AFAP1: variants seen among roughly 807,000 people sequenced by gnomAD.
AFAP1 encodes the protein actin filament associated protein 1.
In AFAP1, 75 loss-of-function variants were observed where a neutral mutation model predicts 93.9. That is an observed-to-expected ratio of 0.80 (90% CI 0.66 to 0.97). AFAP1 has a LOEUF of 0.97. AFAP1 is among the 50% of genes least tolerant of loss of function. The pLI, the probability that AFAP1 is intolerant of heterozygous loss-of-function variation, is 0.00. For synonymous variants in AFAP1, 517 were observed against 430.7 expected, an observed-to-expected ratio of 1.20 and a Z score of -2.48; for missense variants, 1,201 against 1,050.8, an observed-to-expected ratio of 1.14 and a Z score of -1.98.
intron 9 of AFAP1, among the ~76,000 whole-genome samples, chr4:7,802,999 C>T (rs1209162055): frequency 1.3e-5 from 2 of 152,204 alleles, no homozygotes; most frequent in African/African-American, 2.4e-5. Context: ...CATATCTGAG[C>T]ACCCGAGTAA....
intron 1 of AFAP1, chr4:7,872,347 G>A: frequency 5.2e-6 from 2 of 384,240 alleles, no homozygotes; most frequent in South Asian, 5.1e-5. Flanking sequence ...CAGATGGTGT[G>A]ACAACCCAAA....
At chr4:7,765,076 C>T (rs945210571) in intron 17 of AFAP1, among the ~76,000 whole-genome samples, 2 of 152,072 alleles carry the variant, frequency 1.3e-5, no homozygotes, top group African/African-American at 4.8e-5. Flanking sequence ...TGCACTCGAG[C>T]GTGGTCAACA....
At chr4:7,814,351 A>G (rs1720290753) in intron 8 of AFAP1, among the ~76,000 whole-genome samples, 1 of 152,254 alleles carries the variant, frequency 6.6e-6, no homozygotes, top group Non-Finnish European at 1.5e-5. Flanking sequence ...CTCAAATAGA[A>G]AGAACAAAAC....
chr4:7,847,180 A>C (rs1029198412), intron 4 of AFAP1, among the ~76,000 whole-genome samples: 1 of 152,334 alleles, frequency 6.6e-6, no homozygotes, highest in South Asian at 2.1e-4. Context: ...AACTCTCTGG[A>C]AAGTATGCTT....
At chr4:7,827,590 A>AAAAAAAAAAAAAAAAG (rs1721544109) in intron 6 of AFAP1, among the ~76,000 whole-genome samples, 3 of 142,476 alleles carry the variant, frequency 2.1e-5, no homozygotes, top group Non-Finnish European at 4.6e-5. Context: ...AAAAAAAAAA[A>AAAAAAAAAAAAAAAAG]GGGAGAGGAG....
chr4:7,936,743 G>A (rs536356453), intron 1 of AFAP1, among the ~76,000 whole-genome samples: 5 of 152,054 alleles, frequency 3.3e-5, no homozygotes, highest in African/African-American at 1.2e-4. Context: ...CACCACACCC[G>A]GCTAACTTTT....
intron 6 of AFAP1, among the ~76,000 whole-genome samples, chr4:7,820,137 G>A (rs1720837138): frequency 6.6e-6 from 1 of 152,188 alleles, no homozygotes; most frequent in Admixed American, 6.5e-5. Context: ...AAGACAGAAG[G>A]ACAGACAGGG....
At position 7,760,956 on chromosome 4, in the gene AFAP1, C is replaced by A. The variant is rs1047988341; in HGVS notation, c.*2809G>T. On this transcript the variant is annotated 3_prime_UTR_variant, in exon 18 of 18. Transcript: ENST00000420658. Reference sequence around the variant, plus strand: ...GACATTGCGAAGAAATCCGGCTTCTCCGGGGACCCTGGCCTGCCTGTCGGG... The same window carrying A: ...GACATTGCGAAGAAATCCGGCTTCTACGGGGACCCTGGCCTGCCTGTCGGG... 2.6e-5 allele frequency: 4 copies of A among 152,368 alleles called. No individual in the cohort carries two copies. The highest frequency in any genetic ancestry group is 9.6e-5 in the African/African-American group (4 of 41,578). The allele number at this position is 152,368 out of a possible 1,614,324, so 9.4% of individuals were successfully genotyped here. A position where few individuals can be genotyped will look rare whatever the true frequency, so the allele number is the denominator to read the frequency against.
At chr4:7,822,407 AT>A (rs1721042260) in intron 6 of AFAP1, among the ~76,000 whole-genome samples, 1 of 152,136 alleles carries the variant, frequency 6.6e-6, no homozygotes, top group East Asian at 1.9e-4. Flanking sequence ...TCTCCCCACG[AT>A]TATATTTAAT....
intron 1 of AFAP1, among the ~76,000 whole-genome samples, chr4:7,906,024 G>C (rs1719381659): frequency 6.6e-6 from 1 of 152,212 alleles, no homozygotes; most frequent in Non-Finnish European, 1.5e-5. Context: ...GGAGGAGGGA[G>C]AGAGGACAAG....
Position 7,871,972 on chromosome 4 carries a change from A to C in AFAP1, c.107T>G (p.Leu36Arg). 1 of 1,614,240 alleles carries C rather than the reference A, an allele frequency of 6.2e-7. No homozygotes were observed. Among genetic ancestry groups the C allele is most frequent in the Non-Finnish European group, 8.5e-7 (1 of 1,180,036 alleles). The change falls in exon 2 of 18, where the codon CTA (leucine) becomes CGA (arginine). Residue 36 changes from leucine (L) to arginine (R), a missense_variant. Leu to Arg is a moderately radical substitution (Grantham distance 102). Transcript: ENST00000420658. ...EKKAVITNIL[L>R]RIQSSKGFDV... ...CTCACCTTTGGATGACTGTATTCTT[A>C]GCAGAATGTTGGTTATCACTGCCTT...
In AFAP1 at chr4:7,762,096, T is replaced by TAAAACTTTTTCTTATAC. The variant is rs1713888962; in HGVS notation, c.*1652_*1668dup. 1 of 152,252 alleles carries TAAAACTTTTTCTTATAC rather than the reference T, an allele frequency of 6.6e-6. No individual in the cohort carries two copies. Among genetic ancestry groups the TAAAACTTTTTCTTATAC allele is most frequent in the African/African-American group, 2.4e-5 (1 of 41,462 alleles). The allele number at this position is 152,252 out of a possible 1,614,324, so 9.4% of individuals were successfully genotyped here. ...CTCAAGCAGCTTCCAATTCGTGTTGTAAAACTTTTTCTTATACATGGGAGA... is the reference window on the plus strand; with the variant it reads ...CTCAAGCAGCTTCCAATTCGTGTTGTAAAACTTTTTCTTATACAAAACTTTTTCTTATACATGGGAGA... On this transcript the variant is annotated 3_prime_UTR_variant, in exon 18 of 18. Coordinates refer to ENST00000420658, the MANE Select transcript of AFAP1 (RefSeq NM_001134647.2).
At chr4:7,920,657 T>C (rs1289698867) in intron 1 of AFAP1, among the ~76,000 whole-genome samples, 1 of 152,218 alleles carries the variant, frequency 6.6e-6, no homozygotes, top group Admixed American at 6.5e-5. Flanking sequence ...CTAACAAAGC[T>C]ACCAACCTTT....
rs143092210 is a variant in AFAP1 at position 7,807,017 on chromosome 4, G to A, written c.1054+2597C>T. On this transcript the variant is annotated intron_variant, in intron 9 of 17. Coordinates refer to ENST00000420658, the MANE Select transcript of AFAP1 (RefSeq NM_001134647.2). ...TGGGACAGGGAACCAGCACAGTTGGGTCAGAGGCTGTCTCTGTTCTCAGCT... is the reference window on the plus strand; with the variant it reads ...TGGGACAGGGAACCAGCACAGTTGGATCAGAGGCTGTCTCTGTTCTCAGCT... Among the ~76,000 whole-genome samples, 30 of 152,306 alleles carry A rather than the reference G, an allele frequency of 2.0e-4. No individual in the cohort carries two copies. The East Asian group carries it at 3.5e-3, about 18-fold the overall frequency.
rs1048123568 is a variant in AFAP1 at position 7,793,891 on chromosome 4, T to A, written c.1267-65A>T. 5 of 1,404,316 alleles carry A rather than the reference T, an allele frequency of 3.6e-6. No homozygotes were observed. The Admixed American group carries it at 6.7e-5, about 19-fold the overall frequency. 87.0% of individuals were successfully genotyped at this position (1,404,316 alleles called of 1,614,324 possible). On this transcript the variant is annotated intron_variant, in intron 10 of 17. Coordinates refer to ENST00000420658, the MANE Select transcript of AFAP1 (RefSeq NM_001134647.2). ...AGATTTTTACATTTTCATAAATGTG[T>A]CAATAAAGAGACCACATAATAGGAA... is the stretch of plus-strand genomic sequence containing the variant.
chr4:7,930,575 C>T (rs941856092), intron 1 of AFAP1, among the ~76,000 whole-genome samples: 2 of 152,192 alleles, frequency 1.3e-5, no homozygotes, highest in African/African-American at 4.8e-5. Flanking sequence ...AAAGACACTC[C>T]TATCACTCCA....
intron 1 of AFAP1, among the ~76,000 whole-genome samples, chr4:7,887,499 CA>C (rs1417284158): frequency 1.3e-5 from 2 of 152,184 alleles, no homozygotes; most frequent in Non-Finnish European, 2.9e-5. Context: ...TAAAATAAAT[CA>C]AAGTTGGAAC....
chr4:7,912,888 C>T (rs563307591), intron 1 of AFAP1, among the ~76,000 whole-genome samples: 2 of 152,188 alleles, frequency 1.3e-5, no homozygotes, highest in Non-Finnish European at 2.9e-5. Flanking sequence ...CACTCTGTCA[C>T]CCAGGCTGGA....
At chr4:7,767,611 T>G (rs543118669) in intron 17 of AFAP1, among the ~76,000 whole-genome samples, 1 of 151,954 alleles carries the variant, frequency 6.6e-6, no homozygotes, top group African/African-American at 2.4e-5. Context: ...ACACACACGG[T>G]CTTCAGTACA....
Sources: gnomAD v4.1 joint callset for allele counts (sites outside exome capture counted in the v4.1 genomes callset) on GRCh38, gnomAD v4.1.1 for gene constraint, MANE v1.5 for transcripts, NCBI Gene and HGNC (gene_info 2026-07-23, HGNC 2026-07-21) for gene names.